SORCS2: variants seen among roughly 807,000 people sequenced by gnomAD.
SORCS2 encodes the protein VPS10 domain-containing receptor SorCS2.
SORCS2 carries 100 observed loss-of-function variants against 141.6 expected under a neutral mutation model. That is an observed-to-expected ratio of 0.71 (90% confidence interval 0.60 to 0.83). The LOEUF (loss-of-function observed/expected upper bound fraction) is 0.83, where lower values mean the gene tolerates loss of function less well. Among genes scored for constraint, SORCS2 ranks in the 40% least tolerant of loss-of-function variants. The probability of loss-of-function intolerance (pLI) is 0.00; values close to 1 mark genes in which losing one functional copy is unlikely to be tolerated. For missense variants in SORCS2, 1,646 were observed against 1,560.2 expected (o/e 1.05, Z -0.93); for synonymous variants, 789 against 676.9 (o/e 1.17, Z -2.57).
At chr4:7,487,126 G>A (rs1201972118) in intron 2 of SORCS2, among the ~76,000 whole-genome samples, 7 of 152,292 alleles carry the variant, frequency 4.6e-5, no homozygotes, top group African/African-American at 1.7e-4. Context: ...GGGTGGTAAC[G>A]ATGTGACTCA....
In SORCS2 at chr4:7,661,527, T is replaced by C. The variant is rs761821605; in HGVS notation, c.915T>C (p.Pro305=). Residue 305 remains proline (P), a synonymous_variant, in exon 6 of 27, where the codon CCT becomes CCC. Transcript: ENST00000507866. ...CTGTGTCTGGGGTGGACGCTGACCC[T>C]GACTTGGTCCACGTGGAAGCCCAAG... is the stretch of plus-strand genomic sequence containing the variant. The part of the protein sequence containing the change: ...FWSVSGVDAD[P]DLVHVEAQDL... 19 of 1,551,622 alleles carry C rather than the reference T, an allele frequency of 1.2e-5. 1 individual carries two copies. In the South Asian group the frequency reaches 2.3e-4, roughly 18 times the overall value.
At chr4:7,465,065 G>T (rs1459442802) in intron 2 of SORCS2, among the ~76,000 whole-genome samples, 1 of 152,242 alleles carries the variant, frequency 6.6e-6, no homozygotes, top group Non-Finnish European at 1.5e-5. Context: ...CCCCTTGCAG[G>T]GTTTTTGTGG....
At chr4:7,491,970 C>T (rs1731343661) in intron 2 of SORCS2, among the ~76,000 whole-genome samples, 2 of 152,232 alleles carry the variant, frequency 1.3e-5, no homozygotes, top group Admixed American at 1.3e-4. Context: ...CCCTTTCCAT[C>T]CAGTCTTTGC....
chr4:7,460,311 G>A (rs1423699733), intron 2 of SORCS2, among the ~76,000 whole-genome samples: 2 of 152,204 alleles, frequency 1.3e-5, no homozygotes, highest in East Asian at 3.9e-4. Flanking sequence ...TTTCTGATGG[G>A]GCCCACCTGG....
chr4:7,638,895 G>A (rs1426444697), intron 4 of SORCS2, among the ~76,000 whole-genome samples: 1 of 152,212 alleles, frequency 6.6e-6, no homozygotes, highest in Non-Finnish European at 1.5e-5. Context: ...CCTCAGTGTG[G>A]AATGTTCTTC....
chr4:7,513,851 T>A (rs1732808322), intron 2 of SORCS2, among the ~76,000 whole-genome samples: 1 of 152,210 alleles, frequency 6.6e-6, no homozygotes, highest in South Asian at 2.1e-4. Context: ...TTCTGCCAAT[T>A]TCCCCGCCTT....
intron 1 of SORCS2, among the ~76,000 whole-genome samples, chr4:7,200,479 C>T (rs182957758): frequency 8.5e-5 from 13 of 152,278 alleles, no homozygotes; most frequent in Non-Finnish European, 1.6e-4. Flanking sequence ...GTAAGGTGAG[C>T]GTCAGGACCA....
At chr4:7,739,761 C>A (rs955190949) in intron 26 of SORCS2, among the ~76,000 whole-genome samples, 7 of 152,160 alleles carry the variant, frequency 4.6e-5, no homozygotes, top group Non-Finnish European at 1.0e-4. Context: ...ACCCGGGACA[C>A]CCGGCTCACC....
intron 1 of SORCS2, among the ~76,000 whole-genome samples, chr4:7,208,611 A>G (rs1346366955): frequency 1.3e-5 from 2 of 152,126 alleles, no homozygotes; most frequent in Non-Finnish European, 2.9e-5. Context: ...TGTCTGCCCC[A>G]GTCCTGGTCC....
chr4:7,426,016 C>T (rs538573420), intron 2 of SORCS2, among the ~76,000 whole-genome samples: 60 of 152,360 alleles, frequency 3.9e-4, no homozygotes, highest in Middle Eastern at 3.4e-3. Context: ...CTCAGGAGGG[C>T]CAGCCCCTGG....
At chr4:7,348,274 T>A (rs1452278918) in intron 1 of SORCS2, among the ~76,000 whole-genome samples, 1 of 152,174 alleles carries the variant, frequency 6.6e-6, no homozygotes, top group Non-Finnish European at 1.5e-5. Context: ...GATTATGAAA[T>A]TAGAGTTCAT....
chr4:7,472,368 A>G (rs1327778351), intron 2 of SORCS2, among the ~76,000 whole-genome samples: 1 of 152,144 alleles, frequency 6.6e-6, no homozygotes, highest in Non-Finnish European at 1.5e-5. Flanking sequence ...GCAGAGGAGC[A>G]GGGGTCCAGG....
At position 7,233,117 on chromosome 4, in the gene SORCS2, G is replaced by A. The variant is rs1426836683; in HGVS notation, c.480+39991G>A. On this transcript the variant is annotated intron_variant, in intron 1 of 26. Transcript: ENST00000507866. The surrounding 1 kb of genome is among the most constrained non-coding windows in gnomAD (Gnocchi z 4.5). ...CAACTACTGCCTTCCTGATGGAGGA[G>A]GCTGGGCTGGGCACAGGCGAGTCCC... Among the ~76,000 whole-genome samples the A allele has an allele frequency of 1.3e-5, 2 of 152,200 alleles. No individual in the cohort carries two copies. Among genetic ancestry groups the A allele is most frequent in the East Asian group, 3.9e-4 (2 of 5,190 alleles).
chr4:7,553,189 G>T (rs755890794), intron 3 of SORCS2, among the ~76,000 whole-genome samples: 12 of 152,122 alleles, frequency 7.9e-5, no homozygotes, highest in Non-Finnish European at 1.3e-4. Flanking sequence ...GTCCTAGTGA[G>T]ATCCAGACCA....
chr4:7,515,615 G>A (rs961844111), intron 2 of SORCS2, among the ~76,000 whole-genome samples: 6 of 152,158 alleles, frequency 3.9e-5, no homozygotes, highest in Non-Finnish European at 8.8e-5. Context: ...AGATGCTGCC[G>A]CTCGGAACCC....
intron 1 of SORCS2, among the ~76,000 whole-genome samples, chr4:7,195,669 C>T (rs1404554885): frequency 3.3e-5 from 5 of 152,188 alleles, no homozygotes; most frequent in Non-Finnish European, 4.4e-5. Flanking sequence ...TTGTTGCATG[C>T]GTAGTATTGT....
chr4:7,378,696 CA>C (rs1553851418), intron 1 of SORCS2, among the ~76,000 whole-genome samples: 6 of 152,180 alleles, frequency 3.9e-5, no homozygotes, highest in Non-Finnish European at 8.8e-5. Flanking sequence ...TCCTCCCCCC[CA>C]CACTGCTACC....
chr4:7,572,672 C>T (rs965594885), intron 3 of SORCS2, among the ~76,000 whole-genome samples: 11 of 152,190 alleles, frequency 7.2e-5, no homozygotes, highest in Admixed American at 1.3e-4. Context: ...AAATCATCAG[C>T]ATCATTTTTC....
chr4:7,384,025 G>T (rs1267711998), intron 1 of SORCS2, among the ~76,000 whole-genome samples: 1 of 152,226 alleles, frequency 6.6e-6, no homozygotes, highest in East Asian at 1.9e-4. Flanking sequence ...CCCTTTCTTA[G>T]CTTCGTTCTT....
Sources: gnomAD v4.1 joint callset for allele counts (sites outside exome capture counted in the v4.1 genomes callset) on GRCh38, gnomAD v4.1.1 for gene constraint, Gnocchi (gnomAD v3.1) non-coding constraint, MANE v1.5 for transcripts, NCBI Gene and HGNC (gene_info 2026-07-23, HGNC 2026-07-21) for gene names.